The following TTLL5 variants were observed in gnomAD, a reference collection of about 807,000 sequenced individuals.
TTLL5 encodes the protein tubulin polyglutamylase TTLL5.
Under a neutral mutation model 168.4 loss-of-function variants are expected in TTLL5, and 132 were observed. The ratio of observed to expected loss-of-function variants is 0.78; its 90% CI spans 0.68 to 0.91. TTLL5 has a LOEUF of 0.91. Among genes scored for constraint, TTLL5 ranks in the 40% least tolerant of loss-of-function variants. The probability of loss-of-function intolerance (pLI) is 0.00; values close to 1 mark genes in which losing one functional copy is unlikely to be tolerated. For synonymous variants in TTLL5, 546 were observed against 558.6 expected (o/e 0.98, Z 0.32); for missense variants, 1,545 against 1,581.5 (o/e 0.98, Z 0.39).
At chr14:75,663,386 A>G (rs988274234) in intron 2 of TTLL5, among the ~76,000 whole-genome samples, 163 bp downstream of exon 2, 4 of 152,098 alleles carry the variant, frequency 2.6e-5, no homozygotes, top group African/African-American at 7.2e-5. Flanking sequence ...TCTATCCATA[A>G]TGTCATTTAA....
chr14:75,860,484 C>T (rs1335507901), intron 28 of TTLL5, among the ~76,000 whole-genome samples: 1 of 152,228 alleles, frequency 6.6e-6, no homozygotes, highest in East Asian at 1.9e-4. Flanking sequence ...CTTTCTGTAG[C>T]TAGCAACTTC....
chr14:75,766,388 A>T lies in TTLL5; in HGVS notation c.2015+20A>T, dbSNP rs747534524. The T allele has an allele frequency of 6.3e-7, 1 of 1,580,260 alleles. No homozygotes were observed. The highest frequency in any genetic ancestry group is 1.8e-5 in the Admixed American group (1 of 56,076). On this transcript the variant is annotated intron_variant, in intron 20 of 31. Coordinates refer to ENST00000298832, the MANE Select transcript of TTLL5 (RefSeq NM_015072.5). Reference sequence around the variant, plus strand: ...TCTTAGGTATGTATCTTTTATAATTATATTAGTAAAACTGATAACAGCTAA... The same window carrying T: ...TCTTAGGTATGTATCTTTTATAATTTTATTAGTAAAACTGATAACAGCTAA...
At chr14:75,757,746 A>C in intron 18 of TTLL5, 1 of 1,235,848 alleles carries the variant, frequency 8.1e-7, no homozygotes, top group East Asian at 2.6e-5. Context: ...TGTATTAAAA[A>C]TTTCTGGAGT....
intron 2 of TTLL5, among the ~76,000 whole-genome samples, chr14:75,668,449 G>T (rs1883465202): frequency 6.6e-6 from 1 of 152,160 alleles, no homozygotes; most frequent in African/African-American, 2.4e-5. Context: ...TTAAATCCTG[G>T]CACATAGTAG....
At chr14:75,931,083 C>T (rs188268287) in intron 31 of TTLL5, among the ~76,000 whole-genome samples, 12 of 152,310 alleles carry the variant, frequency 7.9e-5, no homozygotes, top group African/African-American at 2.9e-4. Flanking sequence ...AAACCTGTTC[C>T]TCCAGCCAAG....
At chr14:75,930,873 A>T (rs1328059933) in intron 31 of TTLL5, among the ~76,000 whole-genome samples, 2 of 152,198 alleles carry the variant, frequency 1.3e-5, no homozygotes, top group Non-Finnish European at 2.9e-5. Context: ...GAGAAATATC[A>T]TCCATATATT....
intron 31 of TTLL5, among the ~76,000 whole-genome samples, chr14:75,931,302 A>T (rs1566666030): frequency 6.6e-6 from 1 of 152,106 alleles, no homozygotes; most frequent in Admixed American, 6.6e-5. Context: ...CTCTCAAGAC[A>T]CACCCCTCCT....
intron 27 of TTLL5, among the ~76,000 whole-genome samples, chr14:75,809,262 C>CT (rs1366492914): frequency 6.6e-6 from 1 of 152,144 alleles, no homozygotes; most frequent in African/African-American, 2.4e-5. Flanking sequence ...GCTCCATGGA[C>CT]TTATGGTCTC....
chr14:75,844,752 C>T (rs541939680), intron 28 of TTLL5, among the ~76,000 whole-genome samples: 2 of 152,330 alleles, frequency 1.3e-5, no homozygotes, highest in African/African-American at 4.8e-5. Context: ...GCCACACTCA[C>T]TCATGCCCTT....
chr14:75,778,965 A>G (rs1429474718), intron 23 of TTLL5, among the ~76,000 whole-genome samples: 1 of 152,246 alleles, frequency 6.6e-6, no homozygotes, highest in East Asian at 1.9e-4. Flanking sequence ...GAAAATGACA[A>G]GTGGCTCTTT....
chr14:75,895,517 GGT>G, intron 30 of TTLL5, among the ~76,000 whole-genome samples: 1 of 151,046 alleles, frequency 6.6e-6, no homozygotes, highest in Non-Finnish European at 1.5e-5. Flanking sequence ...AATAAAAAGA[GGT>G]TTTTTTTTAA....
chr14:75,813,338 A>G (rs999076152), intron 27 of TTLL5, among the ~76,000 whole-genome samples: 3 of 148,830 alleles, frequency 2.0e-5, no homozygotes, highest in African/African-American at 7.5e-5. Flanking sequence ...GTCTTGCTCT[A>G]TTATCCAGGC....
intron 31 of TTLL5, among the ~76,000 whole-genome samples, chr14:75,914,784 T>C (rs918092844): frequency 2.0e-5 from 3 of 152,058 alleles, no homozygotes; most frequent in Non-Finnish European, 4.4e-5. Context: ...CCACCATGCC[T>C]GGCTAATTTT....
chr14:75,819,685 C>T (rs750412660), intron 27 of TTLL5, among the ~76,000 whole-genome samples: 14 of 152,202 alleles, frequency 9.2e-5, no homozygotes, highest in Non-Finnish European at 2.9e-5. Flanking sequence ...TAGTTCGCCT[C>T]GTTTCTTTGA....
intron 29 of TTLL5, among the ~76,000 whole-genome samples, chr14:75,870,623 G>T (rs2030952067): frequency 6.6e-6 from 1 of 152,064 alleles, no homozygotes; most frequent in African/African-American, 2.4e-5. Context: ...AATAATACAG[G>T]AATGATTTCT....
Position 75,753,664 on chromosome 14 carries a change from C to G in TTLL5, c.1550+709C>G, listed in dbSNP as rs543802749. On this transcript the variant is annotated intron_variant, in intron 18 of 31. Transcript: ENST00000298832. ...TTTCATGATCTACTATCAGGAAATACATGGGATTTGCAATTTGTCTCTGTA... is the reference window on the plus strand; with the variant it reads ...TTTCATGATCTACTATCAGGAAATAGATGGGATTTGCAATTTGTCTCTGTA... Among the ~76,000 whole-genome samples, 4 of 152,290 alleles carry G rather than the reference C, an allele frequency of 2.6e-5. No homozygotes were observed. In the South Asian group the frequency reaches 8.3e-4, roughly 32 times the overall value.
At chr14:75,811,740 C>T (rs1158693989) in intron 27 of TTLL5, among the ~76,000 whole-genome samples, 1 of 152,220 alleles carries the variant, frequency 6.6e-6, no homozygotes, top group Non-Finnish European at 1.5e-5. Flanking sequence ...TGAGAGCATG[C>T]AGCATTGAAA....
rs1480338591 is a variant in TTLL5 at position 75,783,367 on chromosome 14, C to G, written c.2823C>G (p.Ala941=). 5.6e-6 allele frequency: 9 copies of G among 1,614,180 alleles called. No individual in the cohort carries two copies. The highest frequency in any genetic ancestry group is 7.6e-6 in the Non-Finnish European group (9 of 1,180,034). The change falls in exon 26 of 32, where the codon GCC becomes GCG. Residue 941 remains alanine, a synonymous_variant. Transcript: ENST00000298832. The part of the protein sequence containing the change: ...QPTILLNTVS[A]SASPCLHPGA... ...CAATTTTACTGAACACAGTCTCTGC[C>G]AGTGCTTCTCCCTGCCTACATCCCG...
At chr14:75,888,701 C>G (rs1035997142) in intron 30 of TTLL5, among the ~76,000 whole-genome samples, 3 of 151,942 alleles carry the variant, frequency 2.0e-5, no homozygotes, top group Non-Finnish European at 4.4e-5. Context: ...TTTGGGAGGC[C>G]GAGGCGGGTG....
Sources: allele counts gnomAD v4.1 joint callset (sites outside exome capture counted in the v4.1 genomes callset), GRCh38; gene constraint gnomAD v4.1.1; transcripts MANE v1.5; gene names NCBI Gene and HGNC (gene_info 2026-07-23, HGNC 2026-07-21).